GRIA2: variants seen among roughly 807,000 people sequenced by gnomAD.
GRIA2 encodes the protein glutamate ionotropic receptor AMPA type subunit 2, also known as glutamate receptor 2.
GRIA2 carries 14 observed loss-of-function variants against 97.3 expected under a neutral mutation model. That is an observed-to-expected ratio of 0.14 (90% CI 0.10 to 0.23). GRIA2 has a LOEUF of 0.23. Ranked by LOEUF, GRIA2 falls within the 10% of genes least tolerant of loss-of-function variation. The pLI is 1.00. For synonymous variants in GRIA2, 412 were observed against 387.8 expected (o/e 1.06, Z -0.73); for missense variants, 558 against 1,069.8 (o/e 0.52, Z 6.67).
At chr4:157,262,427 G>A (rs931680686) in intron 2 of GRIA2, among the ~76,000 whole-genome samples, 15 of 151,794 alleles carry the variant, frequency 9.9e-5, no homozygotes, top group African/African-American at 3.4e-4. Context: ...GAAGTTATTG[G>A]GCCAATCTTA....
chr4:157,360,546 ATAAC>A (rs1400674712), intron 13 of GRIA2, among the ~76,000 whole-genome samples: 5 of 152,174 alleles, frequency 3.3e-5, no homozygotes, highest in Admixed American at 2.0e-4. Flanking sequence ...GTAAACTGAA[ATAAC>A]TAACTGAGAA....
At chr4:157,266,221 G>A (rs1032065303) in intron 2 of GRIA2, among the ~76,000 whole-genome samples, 1 of 152,060 alleles carries the variant, frequency 6.6e-6, no homozygotes, top group Admixed American at 6.6e-5. Context: ...CAAATGTATG[G>A]TCTGGGATTC....
chr4:157,257,472 T>C (rs972921687), intron 2 of GRIA2, among the ~76,000 whole-genome samples: 1 of 152,112 alleles, frequency 6.6e-6, no homozygotes, highest in Admixed American at 6.6e-5. Context: ...TCTCTAAATA[T>C]TATTCATAAT....
intron 2 of GRIA2, among the ~76,000 whole-genome samples, chr4:157,262,600 G>T (rs1435099738): frequency 1.3e-5 from 2 of 151,930 alleles, no homozygotes; most frequent in East Asian, 3.9e-4. Flanking sequence ...TCTAAGCCTT[G>T]CCCCCAATTT....
At chr4:157,227,790 A>G (rs1328233751) in intron 2 of GRIA2, among the ~76,000 whole-genome samples, 1 of 152,234 alleles carries the variant, frequency 6.6e-6, no homozygotes, top group East Asian at 1.9e-4. Context: ...CCAAAGATCT[A>G]CATAATTGCC....
chr4:157,365,928 T>C lies in GRIA2; in HGVS notation c.*2497T>C, dbSNP rs1440609970. 3 of 151,694 alleles carry C rather than the reference T, an allele frequency of 2.0e-5. No individual in the cohort carries two copies. The highest frequency in any genetic ancestry group is 3.9e-4 in the East Asian group (2 of 5,186). The allele number at this position is 151,694 out of a possible 1,614,324, so 9.4% of individuals were successfully genotyped here. A position where few individuals can be genotyped will look rare whatever the true frequency, so the allele number is the denominator to read the frequency against. ...GAAGACATACACTTTCTATAACTTC[T>C]ATTGAAGATATTGGAATTTCCAATT... On this transcript the variant is annotated 3_prime_UTR_variant, in exon 16 of 16. Transcript: ENST00000264426.
chr4:157,226,124 G>C (rs1414871246), intron 2 of GRIA2, among the ~76,000 whole-genome samples: 2 of 151,800 alleles, frequency 1.3e-5, no homozygotes, highest in Non-Finnish European at 2.9e-5. Context: ...TATTAGTCTA[G>C]TTAAAGATGA....
At chr4:157,252,593 G>C (rs896493548) in intron 2 of GRIA2, among the ~76,000 whole-genome samples, 2 of 152,036 alleles carry the variant, frequency 1.3e-5, no homozygotes, top group Non-Finnish European at 2.9e-5. Context: ...ATTGTATAAT[G>C]AATTATGGCA....
At chr4:157,230,909 AG>A (rs1474878467) in intron 2 of GRIA2, among the ~76,000 whole-genome samples, 1 of 152,038 alleles carries the variant, frequency 6.6e-6, no homozygotes, top group Non-Finnish European at 1.5e-5. Flanking sequence ...GCTGGAGTGC[AG>A]TAGAGCTATC....
rs1729936363 is a variant in GRIA2, at chr4:157,230,165, C to T, written c.229+8358C>T. On this transcript the variant is annotated intron_variant, in intron 2 of 15. Coordinates refer to ENST00000264426, the MANE Select transcript of GRIA2 (RefSeq NM_001083619.3). Reference sequence around the variant, plus strand: ...TCATAAACCCTTTGCAGCTAAAATTCTCTGTATCAAAATACCGTTCTGTTT... The same window carrying T: ...TCATAAACCCTTTGCAGCTAAAATTTTCTGTATCAAAATACCGTTCTGTTT... Among the ~76,000 whole-genome samples, 3 of 152,126 alleles carry T rather than the reference C, an allele frequency of 2.0e-5. No homozygotes were observed. In the South Asian group the frequency reaches 6.2e-4, roughly 31 times the overall value.
intron 2 of GRIA2, among the ~76,000 whole-genome samples, chr4:157,281,739 C>T (rs1210726600): frequency 6.6e-6 from 1 of 152,040 alleles, no homozygotes; most frequent in Admixed American, 6.6e-5. Flanking sequence ...GTAGAAACAA[C>T]TTTGATTCAG....
chr4:157,339,536 T>G (rs1321629766), intron 11 of GRIA2, among the ~76,000 whole-genome samples: 3 of 151,968 alleles, frequency 2.0e-5, no homozygotes, highest in African/African-American at 7.2e-5. Context: ...TTAGATATCA[T>G]GTACATTTTA....
chr4:157,221,373 T>C (rs1729484648), intron 1 of GRIA2: 2 of 564,062 alleles, frequency 3.5e-6, no homozygotes, highest in Non-Finnish European at 6.2e-6. Flanking sequence ...AATTCTGCCT[T>C]AGCGACATTT....
At chr4:157,353,056 T>C (rs1229739202) in intron 12 of GRIA2, among the ~76,000 whole-genome samples, 1 of 151,548 alleles carries the variant, frequency 6.6e-6, no homozygotes, top group Non-Finnish European at 1.5e-5. Context: ...AGACTTCATC[T>C]CAAAAAACAA....
intron 2 of GRIA2, among the ~76,000 whole-genome samples, chr4:157,241,354 C>G (rs1412269979): frequency 6.6e-6 from 1 of 151,976 alleles, no homozygotes; most frequent in Non-Finnish European, 1.5e-5. Context: ...TATCATTAGT[C>G]CTACCTAAAA....
At position 157,355,938 on chromosome 4, in the gene GRIA2, T is replaced by C. The variant is rs1449552967; in HGVS notation, c.2044-3958T>C. On this transcript the variant is annotated intron_variant, in intron 12 of 15. Coordinates refer to ENST00000264426, the MANE Select transcript of GRIA2 (RefSeq NM_001083619.3). ...ATTAATATATTTATATATATTTATA[T>C]ATTAATATATATTTATATATTTATG... Among the ~76,000 whole-genome samples, 105 of 35,960 alleles carry C rather than the reference T, an allele frequency of 2.9e-3. 5 individuals are homozygous for C. The highest frequency in any genetic ancestry group is 4.5e-3 in the Non-Finnish European group (99 of 22,106). The allele number at this position is 35,960 out of a possible 152,430, so 23.6% of individuals were successfully genotyped here. A position where few individuals can be genotyped will look rare whatever the true frequency, so the allele number is the denominator to read the frequency against.
intron 2 of GRIA2, among the ~76,000 whole-genome samples, chr4:157,229,894 A>G (rs1181945309): frequency 6.6e-6 from 1 of 152,160 alleles, no homozygotes; most frequent in African/African-American, 2.4e-5. Context: ...GAACCTGAGA[A>G]GGTACTCCTG....
chr4:157,351,259 G>C (rs937268621), intron 12 of GRIA2, among the ~76,000 whole-genome samples: 53 of 151,984 alleles, frequency 3.5e-4, no homozygotes, highest in African/African-American at 1.1e-3. Flanking sequence ...CAAGTGTTTT[G>C]ATCGTAATCA....
At chr4:157,250,700 C>T (rs1459580453) in intron 2 of GRIA2, among the ~76,000 whole-genome samples, 1 of 152,068 alleles carries the variant, frequency 6.6e-6, no homozygotes, top group African/African-American at 2.4e-5. Context: ...CAAGAAGGCC[C>T]ATTTGCTACT....
Sources: gnomAD v4.1 joint callset for allele counts (sites outside exome capture counted in the v4.1 genomes callset) on GRCh38, gnomAD v4.1.1 for gene constraint, MANE v1.5 for transcripts, NCBI Gene and HGNC (gene_info 2026-07-23, HGNC 2026-07-21) for gene names.